The following CCSER1 variants were observed in gnomAD, a reference collection of about 807,000 sequenced individuals.
The protein encoded by CCSER1 is serine-rich coiled-coil domain-containing protein 1.
Under a neutral mutation model 82.0 loss-of-function variants are expected in CCSER1, and 41 were observed. The ratio of observed to expected loss-of-function variants is 0.50; its 90% CI spans 0.39 to 0.65. CCSER1 has a LOEUF of 0.65. CCSER1 is among the 30% of genes least tolerant of loss of function. The probability of loss-of-function intolerance (pLI) is 0.00; values close to 1 mark genes in which losing one functional copy is unlikely to be tolerated. For synonymous variants in CCSER1, 414 were observed against 383.9 expected (o/e 1.08, Z -0.92); for missense variants, 1,119 against 1,064.2 (o/e 1.05, Z -0.72).
chr4:90,898,431 C>T (rs1724082685), intron 8 of CCSER1, among the ~76,000 whole-genome samples: 1 of 150,474 alleles, frequency 6.6e-6, no homozygotes, highest in Non-Finnish European at 1.5e-5. Flanking sequence ...GTGCCTGACA[C>T]CATGCCTGGC....
intron 1 of CCSER1, among the ~76,000 whole-genome samples, chr4:90,139,102 A>C (rs1280274941): frequency 6.6e-6 from 1 of 152,134 alleles, no homozygotes; most frequent in East Asian, 1.9e-4. Flanking sequence ...TGCTACACAG[A>C]GTGAGTGTGC....
Position 91,581,921 on chromosome 4 carries a change from A to T in CCSER1, c.2218-16651A>T, listed in dbSNP as rs193114405. On this transcript the variant is annotated intron_variant, in intron 10 of 10. Coordinates refer to ENST00000509176, the MANE Select transcript of CCSER1 (RefSeq NM_001145065.2). ...ACTTTGCCCTAGTTGAGAACCACTG[A>T]TTTACCGTATTAATTATTTTTACTT... Among the ~76,000 whole-genome samples, 6 of 151,714 alleles carry T rather than the reference A, an allele frequency of 4.0e-5. No individual in the cohort carries two copies. In the East Asian group the frequency reaches 7.8e-4, roughly 20 times the overall value.
chr4:91,548,745 G>T (rs928332818), intron 10 of CCSER1, among the ~76,000 whole-genome samples: 1 of 151,908 alleles, frequency 6.6e-6, no homozygotes, highest in African/African-American at 2.4e-5. Context: ...TTGCTTCTCT[G>T]TAGGTAAAGT....
chr4:90,932,986 A>AAGAAAG lies in CCSER1; in HGVS notation c.2172+9541_2172+9546dup, dbSNP rs1730249645. 4.1e-4 allele frequency among the ~76,000 whole-genome samples: 12 copies of AAGAAAG among 29,138 alleles called. 2 individuals carry two copies. The highest frequency in any genetic ancestry group is 1.7e-3 in the South Asian group (2 of 1,172). 19.1% of individuals were successfully genotyped at this position (29,138 alleles called of 152,430 possible). On this transcript the variant is annotated intron_variant, in intron 9 of 10. Coordinates refer to ENST00000509176, the MANE Select transcript of CCSER1 (RefSeq NM_001145065.2). ...AGAAAGAAAGAAAGAAAGAAAGAGA[A>AAGAAAG]AGAAAGAAAGAAAGAAAGAAAGAAA...
At chr4:90,870,568 T>C (rs555436393) in intron 8 of CCSER1, among the ~76,000 whole-genome samples, 1 of 151,868 alleles carries the variant, frequency 6.6e-6, no homozygotes, top group Non-Finnish European at 1.5e-5. Flanking sequence ...CTTTTTAATG[T>C]GTTGTTGTGT....
chr4:90,415,686 A>G (rs1390801945), intron 4 of CCSER1, among the ~76,000 whole-genome samples: 2 of 152,216 alleles, frequency 1.3e-5, no homozygotes, highest in Non-Finnish European at 1.5e-5. Context: ...GTTTTGGAAT[A>G]CTTAATCTTT....
intron 6 of CCSER1, among the ~76,000 whole-genome samples, chr4:90,669,482 G>A (rs1403512679): frequency 6.6e-6 from 1 of 152,072 alleles, no homozygotes; most frequent in Non-Finnish European, 1.5e-5. Context: ...AGTTTATAGA[G>A]AGTCTCTGTA....
intron 9 of CCSER1, among the ~76,000 whole-genome samples, chr4:91,005,083 G>C (rs1374962620): frequency 6.6e-6 from 1 of 152,012 alleles, no homozygotes; most frequent in Non-Finnish European, 1.5e-5. Context: ...CTGACATCTT[G>C]GTATGTTTAA....
chr4:91,451,827 T>C (rs865966738), intron 10 of CCSER1, among the ~76,000 whole-genome samples: 3 of 152,120 alleles, frequency 2.0e-5, no homozygotes, highest in Middle Eastern at 6.8e-3. Context: ...GTAATTTAAG[T>C]AAAAATGCAA....
rs530827550 is a variant in CCSER1, at chr4:91,548,554, A to G, written c.2218-50018A>G. 8.2e-5 allele frequency among the ~76,000 whole-genome samples: 10 copies of G among 122,350 alleles called. No individual in the cohort carries two copies. The South Asian group carries it at 2.4e-3, about 30-fold the overall frequency. 80.3% of individuals were successfully genotyped at this position (122,350 alleles called of 152,430 possible). A position where few individuals can be genotyped will look rare whatever the true frequency, so the allele number is the denominator to read the frequency against. The stretch of plus-strand genomic sequence containing the variant: ...TGCTAGGTAAGTCTAATGGCAACAA[A>G]TTCCTTCAATTTTTTTTTTTTTGAA... On this transcript the variant is annotated intron_variant, in intron 10 of 10. Coordinates refer to ENST00000509176, the MANE Select transcript of CCSER1 (RefSeq NM_001145065.2).
chr4:90,997,719 T>G (rs17017923), intron 9 of CCSER1, among the ~76,000 whole-genome samples: 6,867 of 152,274 alleles, frequency 0.045, 370 homozygotes, highest in African/African-American at 0.13. Context: ...TTATTAATAT[T>G]CAAATGAAGG....
chr4:90,437,035 A>T (rs933728307), intron 4 of CCSER1, among the ~76,000 whole-genome samples: 3 of 151,960 alleles, frequency 2.0e-5, no homozygotes, highest in Non-Finnish European at 4.4e-5. Context: ...GTTAGCCAGG[A>T]TGGTCTCAAT....
intron 10 of CCSER1, among the ~76,000 whole-genome samples, chr4:91,316,105 C>A (rs1390136450): frequency 6.6e-6 from 1 of 151,982 alleles, no homozygotes; most frequent in East Asian, 1.9e-4. Flanking sequence ...TAGGACGTAA[C>A]TTTGTTCCTG....
intron 10 of CCSER1, among the ~76,000 whole-genome samples, chr4:91,221,769 G>A (rs531296634): frequency 1.1e-4 from 16 of 152,052 alleles, no homozygotes; most frequent in Admixed American, 7.9e-4. Flanking sequence ...ACACAGTCCC[G>A]GCACTCATAT....
chr4:90,992,396 G>T (rs1224647264), intron 9 of CCSER1, among the ~76,000 whole-genome samples: 1 of 151,890 alleles, frequency 6.6e-6, no homozygotes, highest in African/African-American at 2.4e-5. Context: ...CTCTCATCTT[G>T]ATTTCTTGTC....
intron 10 of CCSER1, among the ~76,000 whole-genome samples, chr4:91,094,297 C>A (rs1724276317): frequency 6.6e-6 from 1 of 151,944 alleles, no homozygotes; most frequent in Middle Eastern, 3.4e-3. Context: ...TAACACCTGA[C>A]CCCGGATCTT....
chr4:91,355,502 G>A (rs1748761470), intron 10 of CCSER1, among the ~76,000 whole-genome samples: 1 of 152,104 alleles, frequency 6.6e-6, no homozygotes, highest in East Asian at 1.9e-4. Context: ...TTCTTTTAGA[G>A]TCCTGGTACA....
chr4:91,102,154 C>G (rs1370614134), intron 10 of CCSER1, among the ~76,000 whole-genome samples: 2 of 151,968 alleles, frequency 1.3e-5, no homozygotes, highest in Admixed American at 1.3e-4. Flanking sequence ...CACAAAAGAC[C>G]AGAATGAAAA....
At chr4:90,405,659 A>G (rs1448756828) in intron 4 of CCSER1, among the ~76,000 whole-genome samples, 1 of 152,194 alleles carries the variant, frequency 6.6e-6, no homozygotes, top group Non-Finnish European at 1.5e-5. Flanking sequence ...TTAACAGCAG[A>G]TTTCTCAGCA....
Sources: gnomAD v4.1 joint callset for allele counts (sites outside exome capture counted in the v4.1 genomes callset) on GRCh38, gnomAD v4.1.1 for gene constraint, MANE v1.5 for transcripts, NCBI Gene and HGNC (gene_info 2026-07-23, HGNC 2026-07-21) for gene names.